IPO8: variants seen among roughly 807,000 people sequenced by gnomAD.
IPO8 encodes the protein importin 8.
Under a neutral mutation model 141.2 loss-of-function variants are expected in IPO8, and 65 were observed. That is an observed-to-expected ratio of 0.46 (90% confidence interval 0.38 to 0.57). The LOEUF is 0.57. IPO8 is among the 20% of genes least tolerant of loss of function. The pLI is 0.00. For missense variants in IPO8, 980 were observed against 1,246.8 expected, an observed-to-expected ratio of 0.79 and a Z score of 3.22; for synonymous variants, 411 against 420.3, an observed-to-expected ratio of 0.98 and a Z score of 0.27.
At chr12:30,656,389 G>C (rs1051732900) in intron 17 of IPO8, among the ~76,000 whole-genome samples, 8 of 152,064 alleles carry the variant, frequency 5.3e-5, no homozygotes, top group African/African-American at 1.7e-4. Flanking sequence ...TTCAATCCCA[G>C]ATTAAGGTAA....
chr12:30,683,015 T>C (rs2053204712), intron 3 of IPO8, among the ~76,000 whole-genome samples: 1 of 152,172 alleles, frequency 6.6e-6, no homozygotes, highest in Non-Finnish European at 1.5e-5. Context: ...ATGTCATATT[T>C]GTAAAAAATA....
intron 10 of IPO8, among the ~76,000 whole-genome samples, chr12:30,668,411 G>A (rs183398416): frequency 9.8e-5 from 15 of 152,288 alleles, no homozygotes; most frequent in Non-Finnish European, 1.2e-4. Flanking sequence ...CTTTCAGCAC[G>A]CAGCGCTAGA....
chr12:30,678,207 T>C (rs1299431939), intron 5 of IPO8, among the ~76,000 whole-genome samples: 4 of 152,130 alleles, frequency 2.6e-5, no homozygotes, highest in Admixed American at 2.6e-4. Flanking sequence ...TTATTGCAGA[T>C]AAATTTTATA....
At chr12:30,666,101 C>G (rs1565503028) in intron 11 of IPO8, 74 bp downstream of exon 11, 1 of 946,202 alleles carries the variant, frequency 1.1e-6, no homozygotes, top group African/African-American at 1.7e-5. Flanking sequence ...TTCTCAAATA[C>G]TAGGGATATA....
intron 3 of IPO8, among the ~76,000 whole-genome samples, chr12:30,683,125 T>C (rs2053205676): frequency 2.0e-5 from 3 of 152,212 alleles, no homozygotes; most frequent in African/African-American, 7.2e-5. Flanking sequence ...CCATCCTTCA[T>C]GCATTACTGT....
intron 20 of IPO8, among the ~76,000 whole-genome samples, chr12:30,642,472 T>C (rs184989591): frequency 6.6e-6 from 1 of 152,200 alleles, no homozygotes; most frequent in Non-Finnish European, 1.5e-5. Context: ...TAATGTTTTA[T>C]TGACTAAAAA....
chr12:30,673,566 G>A (rs752063246), intron 8 of IPO8, among the ~76,000 whole-genome samples: 4 of 152,134 alleles, frequency 2.6e-5, no homozygotes, highest in African/African-American at 9.7e-5. Context: ...GAGTCTTGAC[G>A]TCTAGTAAGC....
At position 30,674,090 on chromosome 12, in the gene IPO8, G is replaced by GA; in HGVS notation, c.825-17dup. ...GCTTCCATATCTTAAAATACAAAGA[G>GA]AAAATGTACAAATACCGTGAATTTT... is the stretch of plus-strand genomic sequence containing the variant. On this transcript the variant is annotated splice_polypyrimidine_tract_variant and intron_variant, in intron 7 of 24. Coordinates refer to ENST00000256079, the MANE Select transcript of IPO8 (RefSeq NM_006390.4). 1.4e-6 allele frequency: 2 copies of GA among 1,459,590 alleles called. No individual in the cohort carries two copies. The highest frequency in any genetic ancestry group is 1.9e-6 in the Non-Finnish European group (2 of 1,048,466). The allele number at this position is 1,459,590 out of a possible 1,614,324, so 90.4% of individuals were successfully genotyped here.
chr12:30,665,795 G>A lies in IPO8; in HGVS notation c.1272C>T (p.Asn424=), dbSNP rs1471354221. ...AFCYQILTDP[N]FDPRKKDGAL... is the part of the protein sequence containing the mutation. ...CTCCATCTTTCTTCCTAGGGTCAAAGTTCGGGTCTGTCAGGATTTGATAAC... is the reference window on the plus strand; with the variant it reads ...CTCCATCTTTCTTCCTAGGGTCAAAATTCGGGTCTGTCAGGATTTGATAAC... Residue 424 remains asparagine (N), a synonymous_variant, in exon 12 of 25, where the codon AAC becomes AAT. Coordinates refer to ENST00000256079, the MANE Select transcript of IPO8 (RefSeq NM_006390.4). 1 of 1,613,768 alleles carries A rather than the reference G, an allele frequency of 6.2e-7. No individual in the cohort carries two copies.
chr12:30,686,744 C>G (rs1458351754), intron 2 of IPO8: 1 of 152,122 alleles, frequency 6.6e-6, no homozygotes, highest in African/African-American at 2.4e-5. Flanking sequence ...AGAAAAGCAA[C>G]CTTTAGACAG....
chr12:30,639,561 C>T lies in IPO8; in HGVS notation c.2443G>A (p.Val815Ile). The change falls in exon 21 of 25, where the codon GTA becomes ATA. Residue 815 changes from valine to isoleucine, a missense_variant. Physicochemically the swap from Val to Ile is conservative, Grantham distance 29. Transcript: ENST00000256079. ...QLPHNPGPIT[V>I]QFINQWMNDT... ...TTCATCCATTGATTTATAAACTGTA[C>T]AGTGATAGGTCCAGGGTTGTGAGGC... The T allele has an allele frequency of 1.2e-6, 2 of 1,613,840 alleles. No homozygotes were observed. Among genetic ancestry groups the T allele is most frequent in the Non-Finnish European group, 1.7e-6 (2 of 1,179,762 alleles).
chr12:30,694,020 T>C (rs2053315339), intron 1 of IPO8, among the ~76,000 whole-genome samples: 1 of 152,184 alleles, frequency 6.6e-6, no homozygotes. Flanking sequence ...TGTACTTATA[T>C]ACTGATGAAT....
chr12:30,643,418 T>G lies in IPO8; in HGVS notation c.2269-3683A>C, dbSNP rs542500536. Among the ~76,000 whole-genome samples the G allele has an allele frequency of 5.9e-5, 9 of 152,340 alleles. No individual in the cohort carries two copies. The South Asian group carries it at 1.9e-3, about 32-fold the overall frequency. On this transcript the variant is annotated intron_variant, in intron 20 of 24. Transcript: ENST00000256079. ...ATTGTAATGGTAACCTCACTAACAGTAGAGATCACCTTGTGTCCTTAACTT... is the reference window on the plus strand; with the variant it reads ...ATTGTAATGGTAACCTCACTAACAGGAGAGATCACCTTGTGTCCTTAACTT...
At chr12:30,690,638 A>G (rs1203828179) in intron 1 of IPO8, 61 bp from the exon 2 acceptor site, 2 of 863,294 alleles carry the variant, frequency 2.3e-6, no homozygotes, top group African/African-American at 1.8e-5. Context: ...CTTATAAGTT[A>G]GCACCGGTTA....
chr12:30,679,581 TG>T (rs2053163724), intron 5 of IPO8, among the ~76,000 whole-genome samples: 2 of 106,216 alleles, frequency 1.9e-5, no homozygotes, highest in South Asian at 5.3e-4. Context: ...AAGGCTGCTC[TG>T]GGGGAAAAAA....
At chr12:30,687,911 T>C (rs1016077305) in intron 2 of IPO8, among the ~76,000 whole-genome samples, 3 of 152,040 alleles carry the variant, frequency 2.0e-5, no homozygotes, top group African/African-American at 7.2e-5. Flanking sequence ...CTTATAGAAA[T>C]CAAAAACCAT....
intron 3 of IPO8, among the ~76,000 whole-genome samples, chr12:30,683,661 A>G (rs1198814195): frequency 1.3e-5 from 2 of 152,220 alleles, no homozygotes; most frequent in African/African-American, 4.8e-5. Context: ...TCAGTTCCTC[A>G]GTTACAACTA....
rs770741554 is a variant in IPO8, at chr12:30,630,822, A to G, written c.*38T>C. 6.6e-7 allele frequency: 1 copy of G among 1,518,092 alleles called. No homozygotes were observed. The highest frequency in any genetic ancestry group is 9.1e-7 in the Non-Finnish European group (1 of 1,095,248). 94.0% of individuals were successfully genotyped at this position (1,518,092 alleles called of 1,614,324 possible). A position where few individuals can be genotyped will look rare whatever the true frequency, so the allele number is the denominator to read the frequency against. ...CCTCACACTCCTCTTGTGAAATAAA[A>G]TGCAGCGATGACATTTGGTCAGCTG... On this transcript the variant is annotated 3_prime_UTR_variant, in exon 25 of 25. Transcript: ENST00000256079.
At chr12:30,679,410 C>G (rs1398930582) in intron 5 of IPO8, among the ~76,000 whole-genome samples, 1 of 152,088 alleles carries the variant, frequency 6.6e-6, no homozygotes, top group African/African-American at 2.4e-5. Context: ...ATTTCATTAG[C>G]CTTTGTCTTA....
Sources: gnomAD v4.1 joint callset for allele counts (sites outside exome capture counted in the v4.1 genomes callset) on GRCh38, gnomAD v4.1.1 for gene constraint, MANE v1.5 for transcripts, NCBI Gene and HGNC (gene_info 2026-07-23, HGNC 2026-07-21) for gene names.